Variants in SNTB1 observed in about 807,000 individuals in gnomAD.
SNTB1 encodes the protein beta-1-syntrophin.
A neutral mutation model predicts 48.9 loss-of-function variants in SNTB1; 36 were observed. That is an observed-to-expected ratio of 0.74 (90% CI 0.56 to 0.97). The LOEUF (loss-of-function observed/expected upper bound fraction) is 0.97, where lower values mean the gene tolerates loss of function less well. Ranked by LOEUF, SNTB1 falls within the 50% of genes least tolerant of loss-of-function variation. The probability of loss-of-function intolerance (pLI) is 0.00; values close to 1 mark genes in which losing one functional copy is unlikely to be tolerated. For synonymous variants in SNTB1, 299 were observed against 294.6 expected, an observed-to-expected ratio of 1.01 and a Z score of -0.15; for missense variants, 786 against 703.4, an observed-to-expected ratio of 1.12 and a Z score of -1.33.
At chr8:120,637,417 C>T (rs888985151) in intron 2 of SNTB1, 1 of 200,912 alleles carries the variant, frequency 5.0e-6, no homozygotes. Context: ...GCTCATAAAT[C>T]ACTGTTTATC....
intron 1 of SNTB1, among the ~76,000 whole-genome samples, chr8:120,795,429 C>T (rs1007761341): frequency 1.3e-5 from 2 of 152,020 alleles, no homozygotes; most frequent in Non-Finnish European, 2.9e-5. Flanking sequence ...TTGCCCAGCT[C>T]TCTCTGTCCT....
intron 1 of SNTB1, among the ~76,000 whole-genome samples, chr8:120,800,935 T>C (rs897461594): frequency 6.6e-6 from 1 of 152,066 alleles, no homozygotes; most frequent in Non-Finnish European, 1.5e-5. Context: ...AAATATATTC[T>C]AGTATGAATA....
Position 120,756,015 on chromosome 8 carries a change from G to A in SNTB1, c.571+55258C>T, listed in dbSNP as rs963893010. On this transcript the variant is annotated intron_variant, in intron 1 of 6. Coordinates refer to ENST00000517992, the MANE Select transcript of SNTB1 (RefSeq NM_021021.4). ...CAGGGTCTGTACTCTTAAGATCAACGGTGCATCATCTCCATGGATTGCTAT... is the reference window on the plus strand; with the variant it reads ...CAGGGTCTGTACTCTTAAGATCAACAGTGCATCATCTCCATGGATTGCTAT... Among the ~76,000 whole-genome samples the A allele has an allele frequency of 2.6e-5, 4 of 152,068 alleles. No homozygotes were observed. The East Asian group carries it at 5.8e-4, about 22-fold the overall frequency.
intron 1 of SNTB1, among the ~76,000 whole-genome samples, chr8:120,740,659 G>T (rs1211790140): frequency 6.6e-6 from 1 of 152,134 alleles, no homozygotes; most frequent in Non-Finnish European, 1.5e-5. Flanking sequence ...CAAATAGGAA[G>T]CTCTGGCCCA....
rs191160368 is a variant in SNTB1, at chr8:120,561,629, G to A, written c.1137-12671C>T. On this transcript the variant is annotated intron_variant, in intron 4 of 6. Transcript: ENST00000517992. Reference sequence around the variant, plus strand: ...CTAACTGTGCTTTAATTAGTTCAACGTATGTCCCATTGTGTGTGTAGAATA... The same window carrying A: ...CTAACTGTGCTTTAATTAGTTCAACATATGTCCCATTGTGTGTGTAGAATA... 1.5e-3 allele frequency among the ~76,000 whole-genome samples: 226 copies of A among 152,092 alleles called. 2 individuals are homozygous for A. Among genetic ancestry groups the A allele is most frequent in the Non-Finnish European group, 2.8e-3 (188 of 67,988 alleles).
chr8:120,737,968 T>G (rs1032945293), intron 1 of SNTB1, among the ~76,000 whole-genome samples: 1 of 152,174 alleles, frequency 6.6e-6, no homozygotes, highest in Non-Finnish European at 1.5e-5. Flanking sequence ...GTGGACCAAC[T>G]GCTATGGTCT....
At chr8:120,690,737 T>C (rs1818111105) in intron 2 of SNTB1, among the ~76,000 whole-genome samples, 1 of 152,262 alleles carries the variant, frequency 6.6e-6, no homozygotes, top group Non-Finnish European at 1.5e-5. Context: ...GAGTTGGGTT[T>C]TGCAGATTCC....
intron 3 of SNTB1, among the ~76,000 whole-genome samples, chr8:120,582,968 T>C (rs1816074127): frequency 6.6e-6 from 1 of 152,172 alleles, no homozygotes; most frequent in South Asian, 2.1e-4. Context: ...CACTACATAG[T>C]CTGCAGATAT....
chr8:120,751,835 C>T (rs570784266), intron 1 of SNTB1, among the ~76,000 whole-genome samples: 1 of 152,140 alleles, frequency 6.6e-6, no homozygotes, highest in African/African-American at 2.4e-5. Context: ...AATGGGTGCC[C>T]AATAAATAGC....
At chr8:120,653,125 A>T (rs573274527) in intron 2 of SNTB1, among the ~76,000 whole-genome samples, 17 of 152,312 alleles carry the variant, frequency 1.1e-4, no homozygotes, top group African/African-American at 3.8e-4. Flanking sequence ...ATTGAATAGT[A>T]TCCCTCCAAA....
chr8:120,791,854 G>A (rs990152449), intron 1 of SNTB1, among the ~76,000 whole-genome samples: 6 of 151,896 alleles, frequency 4.0e-5, no homozygotes, highest in Non-Finnish European at 8.8e-5. Flanking sequence ...TACACTGCTG[G>A]TGGGAATGTA....
At chr8:120,675,387 T>C (rs978257309) in intron 2 of SNTB1, among the ~76,000 whole-genome samples, 3 of 152,172 alleles carry the variant, frequency 2.0e-5, no homozygotes, top group African/African-American at 7.2e-5. Flanking sequence ...ATTTATACTG[T>C]GGTATAAAAT....
intron 2 of SNTB1, among the ~76,000 whole-genome samples, chr8:120,649,433 G>T (rs1410622883): frequency 7.1e-6 from 1 of 139,954 alleles, no homozygotes. Flanking sequence ...GCCGTGTGAG[G>T]TGTCAGTGTG....
chr8:120,691,568 A>G (rs979303547), intron 2 of SNTB1, among the ~76,000 whole-genome samples: 1 of 152,202 alleles, frequency 6.6e-6, no homozygotes, highest in African/African-American at 2.4e-5. Flanking sequence ...CCCTTATCAA[A>G]GGAGAAAACT....
chr8:120,683,843 G>A (rs187224186), intron 2 of SNTB1, among the ~76,000 whole-genome samples: 3 of 152,216 alleles, frequency 2.0e-5, no homozygotes, highest in Middle Eastern at 3.4e-3. Flanking sequence ...TTGACTGAAA[G>A]CTACATTTAC....
chr8:120,801,490 T>C (rs188124484), intron 1 of SNTB1, among the ~76,000 whole-genome samples: 24 of 152,194 alleles, frequency 1.6e-4, no homozygotes, highest in African/African-American at 5.8e-4. Context: ...TGTTCTATTT[T>C]AGAAGGAAAG....
intron 1 of SNTB1, among the ~76,000 whole-genome samples, chr8:120,736,589 G>A (rs1374684174): frequency 6.6e-6 from 1 of 152,234 alleles, no homozygotes; most frequent in Non-Finnish European, 1.5e-5. Flanking sequence ...AAGAAGCAAA[G>A]TGGATATAAA....
At chr8:120,629,405 G>C (rs1816942721) in intron 3 of SNTB1, among the ~76,000 whole-genome samples, 1 of 152,112 alleles carries the variant, frequency 6.6e-6, no homozygotes. Flanking sequence ...GTACAACCTT[G>C]TCACAGAGTG....
intron 3 of SNTB1, among the ~76,000 whole-genome samples, chr8:120,610,801 T>G (rs986569741): frequency 3.9e-5 from 6 of 152,126 alleles, no homozygotes; most frequent in African/African-American, 1.4e-4. Context: ...AAGAGACTGC[T>G]TTTCCCTGGT....
Sources: allele counts gnomAD v4.1 joint callset (sites outside exome capture counted in the v4.1 genomes callset), GRCh38; gene constraint gnomAD v4.1.1; transcripts MANE v1.5; gene names NCBI Gene and HGNC (gene_info 2026-07-23, HGNC 2026-07-21).